The following LRMDA variants were observed in gnomAD, a reference collection of about 807,000 sequenced individuals.
LRMDA encodes the protein leucine-rich melanocyte differentiation-associated protein.
A neutral mutation model predicts 29.8 loss-of-function variants in LRMDA; 18 were observed. That is an observed-to-expected ratio of 0.60 (90% CI 0.42 to 0.90). The LOEUF (loss-of-function observed/expected upper bound fraction) is 0.90, where lower values mean the gene tolerates loss of function less well. Among genes scored for constraint, LRMDA ranks in the 40% least tolerant of loss-of-function variants. LRMDA has a pLI of 0.00. For synonymous variants in LRMDA, 125 were observed against 109.4 expected (o/e 1.14, Z -0.89); for missense variants, 273 against 273.9 (o/e 1.00, Z 0.02).
intron 2 of LRMDA, among the ~76,000 whole-genome samples, chr10:75,592,998 C>A (rs1012656726): frequency 2.0e-5 from 3 of 152,082 alleles, no homozygotes; most frequent in African/African-American, 7.2e-5. Context: ...ATCTCCACCC[C>A]CTCCTCCTCT....
At position 76,553,704 on chromosome 10, in the gene LRMDA, A is replaced by G. The variant is rs78143486; in HGVS notation, c.602-3505A>G. On this transcript the variant is annotated intron_variant, in intron 6 of 6. Transcript: ENST00000611255. ...TTATTTTTGAACACAAAAGTCACAT[A>G]TTGGGGGTAATCACATCCCAACTCT... Among the ~76,000 whole-genome samples the G allele has an allele frequency of 4.5e-3, 688 of 152,280 alleles. 7 individuals are homozygous for G. The highest frequency in any genetic ancestry group is 0.028 in the East Asian group (144 of 5,180).
chr10:76,135,491 T>C (rs911219363), intron 5 of LRMDA, among the ~76,000 whole-genome samples: 8 of 152,208 alleles, frequency 5.3e-5, no homozygotes, highest in Admixed American at 2.0e-4. Context: ...TTGAAAGCTA[T>C]TTGTATTATT....
rs189873746 is a variant in LRMDA, at chr10:76,421,180, T to A, written c.601+96695T>A. On this transcript the variant is annotated intron_variant, in intron 6 of 6. Transcript: ENST00000611255. ...TCCTTTTTGTCCCCTATAGTTCTGTTGATTTTTGTTTCATGTGTTTTTGAA... is the reference window on the plus strand; with the variant it reads ...TCCTTTTTGTCCCCTATAGTTCTGTAGATTTTTGTTTCATGTGTTTTTGAA... Among the ~76,000 whole-genome samples the A allele has an allele frequency of 1.3e-3, 204 of 152,342 alleles. 1 individual carries two copies. Among genetic ancestry groups the A allele is most frequent in the African/African-American group, 4.7e-3 (196 of 41,586 alleles).
At chr10:76,323,327 G>A (rs1211370186) in intron 5 of LRMDA, among the ~76,000 whole-genome samples, 1 of 151,894 alleles carries the variant, frequency 6.6e-6, no homozygotes, top group Non-Finnish European at 1.5e-5. Flanking sequence ...CTATAATATA[G>A]GTAATCTCTT....
intron 6 of LRMDA, among the ~76,000 whole-genome samples, chr10:76,344,358 A>C (rs908266876): frequency 9.9e-5 from 15 of 152,250 alleles, no homozygotes; most frequent in South Asian, 2.1e-4. Context: ...AAGAAAAAAA[A>C]CCCACAAAAA....
chr10:76,513,275 T>C (rs765409034), intron 6 of LRMDA, among the ~76,000 whole-genome samples: 1 of 152,200 alleles, frequency 6.6e-6, no homozygotes, highest in Non-Finnish European at 1.5e-5. Context: ...TCAAACCCTG[T>C]GTTTTAAAAT....
At chr10:75,740,884 T>C (rs935949070) in intron 2 of LRMDA, among the ~76,000 whole-genome samples, 4 of 152,138 alleles carry the variant, frequency 2.6e-5, no homozygotes, top group African/African-American at 9.7e-5. Context: ...ATTGATATAG[T>C]ATGGTGTACT....
At chr10:76,491,342 G>A (rs989278967) in intron 6 of LRMDA, among the ~76,000 whole-genome samples, 13 of 151,902 alleles carry the variant, frequency 8.6e-5, no homozygotes, top group Non-Finnish European at 1.5e-4. Context: ...ACTGCTTTTA[G>A]CATTTCTTGT....
intron 2 of LRMDA, among the ~76,000 whole-genome samples, chr10:75,989,763 A>G (rs1364261913): frequency 6.6e-6 from 1 of 152,214 alleles, no homozygotes; most frequent in Non-Finnish European, 1.5e-5. Context: ...GGGTCTGTTC[A>G]AGTTCAAACA....
At chr10:76,286,733 G>A (rs1840276296) in intron 5 of LRMDA, among the ~76,000 whole-genome samples, 1 of 152,204 alleles carries the variant, frequency 6.6e-6, no homozygotes, top group African/African-American at 2.4e-5. Context: ...GTTGGATCAA[G>A]CACAATGAAT....
intron 2 of LRMDA, among the ~76,000 whole-genome samples, chr10:75,598,677 G>A (rs954351217): frequency 1.3e-5 from 2 of 152,062 alleles, no homozygotes; most frequent in African/African-American, 2.4e-5. Flanking sequence ...CCTCGCGTAC[G>A]ACTCCTGCGA....
rs114529020 is a variant in LRMDA, at chr10:75,743,930, T to C, written c.132-292078T>C. 3.1e-3 allele frequency among the ~76,000 whole-genome samples: 472 copies of C among 152,248 alleles called. 3 individuals carry two copies. The highest frequency in any genetic ancestry group is 1.0e-2 in the African/African-American group (414 of 41,552). Reference sequence around the variant, plus strand: ...ACAACCCAAAGAAAAAATTGGAACATTTTTGGGTCCAAGTTTCACAGATGT... The same window carrying C: ...ACAACCCAAAGAAAAAATTGGAACACTTTTGGGTCCAAGTTTCACAGATGT... On this transcript the variant is annotated intron_variant, in intron 2 of 6. Coordinates refer to ENST00000611255, the MANE Select transcript of LRMDA (RefSeq NM_001305581.2).
At chr10:76,153,812 T>G (rs898134707) in intron 5 of LRMDA, among the ~76,000 whole-genome samples, 1 of 152,150 alleles carries the variant, frequency 6.6e-6, no homozygotes, top group Non-Finnish European at 1.5e-5. Context: ...CCTAGAACAG[T>G]CACGAAACAA....
At chr10:76,071,583 G>T (rs1390629018) in intron 5 of LRMDA, among the ~76,000 whole-genome samples, 1 of 152,170 alleles carries the variant, frequency 6.6e-6, no homozygotes, top group African/African-American at 2.4e-5. Flanking sequence ...AATGAACAGG[G>T]CGAGTAAGCG....
At chr10:75,507,624 A>G (rs1030910799) in intron 2 of LRMDA, among the ~76,000 whole-genome samples, 2 of 152,128 alleles carry the variant, frequency 1.3e-5, no homozygotes, top group Non-Finnish European at 1.5e-5. Flanking sequence ...GCCAGTTCCT[A>G]TTCTGTCACT....
intron 6 of LRMDA, among the ~76,000 whole-genome samples, chr10:76,349,076 C>T (rs1397770219): frequency 6.6e-6 from 1 of 152,166 alleles, no homozygotes; most frequent in Non-Finnish European, 1.5e-5. Flanking sequence ...GCATGAGTGT[C>T]TTTGTGGCAG....
chr10:75,705,129 G>A (rs1296461341), intron 2 of LRMDA, among the ~76,000 whole-genome samples: 2 of 152,196 alleles, frequency 1.3e-5, no homozygotes, highest in Non-Finnish European at 2.9e-5. Flanking sequence ...AGCGTGGAAC[G>A]AGACACAGTG....
chr10:75,963,373 T>C (rs1299576317), intron 2 of LRMDA, among the ~76,000 whole-genome samples: 1 of 152,244 alleles, frequency 6.6e-6, no homozygotes, highest in Admixed American at 6.5e-5. Context: ...ACATAGAATA[T>C]TGCTTATCTC....
chr10:75,551,341 A>T (rs1840144494), intron 2 of LRMDA, among the ~76,000 whole-genome samples: 1 of 151,868 alleles, frequency 6.6e-6, no homozygotes, highest in South Asian at 2.1e-4. Context: ...TTATTTATTT[A>T]TTTTTTATAA....
Sources: gnomAD v4.1 joint callset for allele counts (sites outside exome capture counted in the v4.1 genomes callset) on GRCh38, gnomAD v4.1.1 for gene constraint, MANE v1.5 for transcripts, NCBI Gene and HGNC (gene_info 2026-07-23, HGNC 2026-07-21) for gene names.